NACC2: variants seen among roughly 807,000 people sequenced by gnomAD.
The protein encoded by NACC2 is NACC family member 2.
A neutral mutation model predicts 25.1 loss-of-function variants in NACC2; 8 were observed. The observed-to-expected ratio is 0.32, with a 90% confidence interval of 0.19 to 0.57. NACC2 has a LOEUF of 0.57. Among genes scored for constraint, NACC2 ranks in the 20% least tolerant of loss-of-function variants. The pLI, the probability that NACC2 is intolerant of heterozygous loss-of-function variation, is 0.89. For missense variants in NACC2, 644 were observed against 650.2 expected, an observed-to-expected ratio of 0.99 and a Z score of 0.10; for synonymous variants, 435 against 294.7, an observed-to-expected ratio of 1.48 and a Z score of -4.88.
chr9:136,043,499 C>T (rs911533740), intron 2 of NACC2, among the ~76,000 whole-genome samples: 18 of 152,376 alleles, frequency 1.2e-4, no homozygotes, highest in East Asian at 7.7e-4. Flanking sequence ...GCTGCTCTCA[C>T]GGGCTGCTGG....
chr9:136,053,493 C>T lies in NACC2; in HGVS notation c.-59-2913G>A, dbSNP rs1464631380. On this transcript the variant is annotated intron_variant, in intron 1 of 5. Transcript: ENST00000277554. ...GCCAGGAGACACAGGGCCCAGCTGT[C>T]ACCCTCCCCGCCACACCCTCCACCC... Among the ~76,000 whole-genome samples, 10 of 152,300 alleles carry T rather than the reference C, an allele frequency of 6.6e-5. No individual in the cohort carries two copies. In the East Asian group the frequency reaches 1.5e-3, roughly 24 times the overall value.
At chr9:136,041,201 C>T (rs1840627356) in intron 2 of NACC2, among the ~76,000 whole-genome samples, 1 of 152,156 alleles carries the variant, frequency 6.6e-6, no homozygotes, top group African/African-American at 2.4e-5. Flanking sequence ...ACAGGCAGAT[C>T]ACTTGAGGTC....
rs1840352681 is a variant in NACC2 at position 136,024,405 on chromosome 9, AGAGT to A, written c.887-7980_887-7977del. On this transcript the variant is annotated intron_variant, in intron 2 of 5. Transcript: ENST00000277554. ...GTGAGGACAGAGGGTGTGTGAGGAC[AGAGT>A]GTGTGTGTGTGAGGACAGAGTGTGT... is the stretch of plus-strand genomic sequence containing the variant. Among the ~76,000 whole-genome samples, 3 of 123,658 alleles carry A rather than the reference AGAGT, an allele frequency of 2.4e-5. No individual in the cohort carries two copies. The Admixed American group carries it at 2.5e-4, about 10-fold the overall frequency. 81.1% of individuals were successfully genotyped at this position (123,658 alleles called of 152,430 possible).
intron 2 of NACC2, among the ~76,000 whole-genome samples, chr9:136,041,711 A>C (rs1840635621): frequency 2.0e-5 from 3 of 152,354 alleles, no homozygotes; most frequent in East Asian, 1.9e-4. Flanking sequence ...TATACAAAAA[A>C]AACACTGGAT....
At chr9:136,034,564 C>T (rs1161165161) in intron 2 of NACC2, among the ~76,000 whole-genome samples, 2 of 151,962 alleles carry the variant, frequency 1.3e-5, no homozygotes, top group African/African-American at 4.8e-5. Context: ...TTTCTAAATT[C>T]CCCACTACAG....
At chr9:136,085,297 G>A (rs1326788807) in intron 1 of NACC2, among the ~76,000 whole-genome samples, 1 of 151,338 alleles carries the variant, frequency 6.6e-6, no homozygotes, top group East Asian at 1.9e-4. Flanking sequence ...TTACAGGTGT[G>A]AACCACTGTG....
chr9:136,025,325 G>A (rs778702051), intron 2 of NACC2, among the ~76,000 whole-genome samples: 2 of 152,126 alleles, frequency 1.3e-5, no homozygotes, highest in African/African-American at 2.4e-5. Context: ...GTTTTCACAC[G>A]ATGTCCGGCC....
In NACC2 at chr9:136,055,144, C is replaced by T. The variant is rs1238321683; in HGVS notation, c.-59-4564G>A. Among the ~76,000 whole-genome samples, 1 of 152,188 alleles carries T rather than the reference C, an allele frequency of 6.6e-6. No individual in the cohort carries two copies. Among genetic ancestry groups the T allele is most frequent in the Non-Finnish European group, 1.5e-5 (1 of 68,022 alleles). On this transcript the variant is annotated intron_variant, in intron 1 of 5. Transcript: ENST00000277554. This position sits in a 1 kb window ranked among gnomAD's most constrained non-coding sequence, Gnocchi z 4.9. ...CCCTGCCCTGGGGTTAGGGGTTGCC[C>T]ACCATGATGAGCCCCATACCCAGCA...
chr9:136,068,564 T>C (rs1232669134), intron 1 of NACC2, among the ~76,000 whole-genome samples: 1 of 146,844 alleles, frequency 6.8e-6, no homozygotes, highest in Non-Finnish European at 1.5e-5. Flanking sequence ...CACTAGGCAA[T>C]AGAATTTTTC....
intron 1 of NACC2, among the ~76,000 whole-genome samples, chr9:136,067,205 G>C (rs1254983681): frequency 7.0e-6 from 1 of 143,568 alleles, no homozygotes; most frequent in Non-Finnish European, 1.5e-5. Context: ...GGTGAGCCAA[G>C]ATCGCACCAA....
intron 2 of NACC2, among the ~76,000 whole-genome samples, chr9:136,023,098 GA>G (rs1564220762): frequency 1.4e-5 from 1 of 69,462 alleles, no homozygotes; most frequent in Non-Finnish European, 3.0e-5. Flanking sequence ...AAGGAGGGAA[GA>G]GGGAGGGAGG....
Position 136,049,670 on chromosome 9 carries a change from G to A in NACC2, c.852C>T (p.Gly284=), listed in dbSNP as rs893021087. The A allele has an allele frequency of 3.7e-5, 29 of 778,790 alleles. No homozygotes were observed. Among genetic ancestry groups the A allele is most frequent in the Admixed American group, 3.2e-4 (19 of 58,966 alleles). The allele number at this position is 778,790 out of a possible 1,614,324, so 48.2% of individuals were successfully genotyped here. ...TGCCGGAGGCCTTGATGTACATCTGGCCGTACTGCTCCTCCACCATGGTGT... is the reference window on the plus strand; with the variant it reads ...TGCCGGAGGCCTTGATGTACATCTGACCGTACTGCTCCTCCACCATGGTGT... ...AYDTMVEEQY[G]QMYIKASGSY... Residue 284 remains glycine, a synonymous_variant, in exon 2 of 6, where the codon GGC becomes GGT. Coordinates refer to ENST00000277554, the MANE Select transcript of NACC2 (RefSeq NM_144653.5).
At position 136,023,779 on chromosome 9, in the gene NACC2, A is replaced by G. The variant is rs193074774; in HGVS notation, c.887-7350T>C. Among the ~76,000 whole-genome samples, 8 of 152,206 alleles carry G rather than the reference A, an allele frequency of 5.3e-5. No individual in the cohort carries two copies. The East Asian group carries it at 1.4e-3, about 26-fold the overall frequency. On this transcript the variant is annotated intron_variant, in intron 2 of 5. Transcript: ENST00000277554. ...CATAGGCACAGGTTGAATCAATCCCACCTATCACAGCACATGGCACGGGTC... is the reference window on the plus strand; with the variant it reads ...CATAGGCACAGGTTGAATCAATCCCGCCTATCACAGCACATGGCACGGGTC...
At chr9:136,085,095 G>A (rs1393927538) in intron 1 of NACC2, among the ~76,000 whole-genome samples, 1 of 137,966 alleles carries the variant, frequency 7.2e-6, no homozygotes, top group Non-Finnish European at 1.6e-5. Flanking sequence ...TTTAAAATTT[G>A]AATTTATAGC....
At chr9:136,037,817 A>G (rs1317179677) in intron 2 of NACC2, among the ~76,000 whole-genome samples, 6 of 152,022 alleles carry the variant, frequency 3.9e-5, no homozygotes, top group Admixed American at 2.0e-4. Context: ...CCAAGTTTTC[A>G]TTTCTATTGG....
At chr9:136,044,451 G>A (rs907836965) in intron 2 of NACC2, among the ~76,000 whole-genome samples, 18 of 151,632 alleles carry the variant, frequency 1.2e-4, no homozygotes, top group Non-Finnish European at 2.1e-4. Context: ...AAAGCAGAAG[G>A]AACCCTTCAC....
rs1320734195 is a variant in NACC2, at chr9:136,022,634, G to A, written c.887-6205C>T. On this transcript the variant is annotated intron_variant, in intron 2 of 5. Coordinates refer to ENST00000277554, the MANE Select transcript of NACC2 (RefSeq NM_144653.5). The surrounding 1 kb of genome is among the most constrained non-coding windows in gnomAD (Gnocchi z 4.4). ...GTCCAGTGCTTCTGGCAGTGAGGGG[G>A]GCTCACCCTGCTGGTCAGTGTCCCC... Among the ~76,000 whole-genome samples, 1 of 152,138 alleles carries A rather than the reference G, an allele frequency of 6.6e-6. No homozygotes were observed. Among genetic ancestry groups the A allele is most frequent in the African/African-American group, 2.4e-5 (1 of 41,428 alleles).
At chr9:136,030,752 C>A in intron 2 of NACC2, among the ~76,000 whole-genome samples, 1 of 152,166 alleles carries the variant, frequency 6.6e-6, no homozygotes, top group East Asian at 1.9e-4. Context: ...ACCTGCGCCT[C>A]CCAGGTTCAA....
At chr9:136,080,558 A>C (rs914663286) in intron 1 of NACC2, among the ~76,000 whole-genome samples, 1 of 152,006 alleles carries the variant, frequency 6.6e-6, no homozygotes, top group Non-Finnish European at 1.5e-5. Context: ...AACAACAGCG[A>C]AACTCCATCT....
Sources: gnomAD v4.1 joint callset for allele counts (sites outside exome capture counted in the v4.1 genomes callset) on GRCh38, gnomAD v4.1.1 for gene constraint, Gnocchi (gnomAD v3.1) non-coding constraint, MANE v1.5 for transcripts, NCBI Gene and HGNC (gene_info 2026-07-23, HGNC 2026-07-21) for gene names.